TCEA3: variants seen among roughly 807,000 people sequenced by gnomAD.
TCEA3 encodes the protein transcription elongation factor A protein 3.
In TCEA3, 36 loss-of-function variants were observed where a neutral mutation model predicts 44.0. That is an observed-to-expected ratio of 0.82 (90% CI 0.63 to 1.08). TCEA3 has a LOEUF of 1.08. TCEA3 is among the 50% of genes least tolerant of loss of function. The pLI is 0.00. For missense variants in TCEA3, 392 were observed against 441.2 expected, an observed-to-expected ratio of 0.89 and a Z score of 1.00; for synonymous variants, 162 against 159.7, an observed-to-expected ratio of 1.01 and a Z score of -0.11.
At chr1:23,398,027 G>T in intron 5 of TCEA3, 72 bp from the exon 6 acceptor site, 1 of 1,545,290 alleles carries the variant, frequency 6.5e-7, no homozygotes, top group Non-Finnish European at 8.8e-7. Flanking sequence ...CATTCTAGAT[G>T]TCTTGATGGA....
rs1639136554 is a variant in TCEA3 at position 23,393,895 on chromosome 1, G to A, written c.803C>T (p.Ala268Val). 1 of 1,613,512 alleles carries A rather than the reference G, an allele frequency of 6.2e-7. No individual in the cohort carries two copies. The highest frequency in any genetic ancestry group is 8.5e-7 in the Non-Finnish European group (1 of 1,179,900). ...LSGAISAGLI[A>V]KMTAEEMASD... ...TGCTCTCACCTCTGCCGTCATCTTG[G>A]CTATAAGCCCTGCGGAGATGGCCCC... The change falls in exon 8 of 11, where the codon GCC becomes GTC. Residue 268 changes from alanine to valine, a missense_variant. Physicochemically the swap from Ala to Val is moderately conservative, Grantham distance 64 (BLOSUM62 0). Transcript: ENST00000450454.
At chr1:23,387,099 C>T (rs1181520426) in intron 9 of TCEA3, among the ~76,000 whole-genome samples, 174 bp downstream of exon 9, 3 of 152,122 alleles carry the variant, frequency 2.0e-5, no homozygotes, top group Admixed American at 6.5e-5. Flanking sequence ...GTGATCCACT[C>T]GCCTTGGCCT....
intron 5 of TCEA3, among the ~76,000 whole-genome samples, chr1:23,405,966 C>T (rs1639532742): frequency 6.6e-6 from 1 of 151,812 alleles, no homozygotes; most frequent in East Asian, 1.9e-4. Context: ...TCAGGAGTAT[C>T]CCCCTCCTTC....
At chr1:23,412,037 A>G (rs968488198) in intron 4 of TCEA3, 2 of 152,210 alleles carry the variant, frequency 1.3e-5, no homozygotes, top group Admixed American at 1.3e-4. Flanking sequence ...GAGCCGGTGC[A>G]TACCTTAAAT....
Position 23,390,137 on chromosome 1 carries a change from A to G in TCEA3, c.820-2718T>C, listed in dbSNP as rs1286887823. On this transcript the variant is annotated intron_variant, in intron 8 of 10. Coordinates refer to ENST00000450454, the MANE Select transcript of TCEA3 (RefSeq NM_003196.3). ...AGTACTTTAACCAGTCTTGAAAGAT[A>G]GGAGTTCCTGGGGTGGGTGGTGGCA... Among the ~76,000 whole-genome samples the G allele has an allele frequency of 3.9e-5, 6 of 152,302 alleles. No homozygotes were observed. In the East Asian group the frequency reaches 1.2e-3, roughly 29 times the overall value.
intron 4 of TCEA3, 42 bp from the exon 5 acceptor site, chr1:23,408,768 G>T (rs1202113332): frequency 1.3e-6 from 2 of 1,539,760 alleles, no homozygotes; most frequent in South Asian, 2.4e-5. Context: ...TTGTAGACTA[G>T]CATCAGTACT....
chr1:23,383,952 C>T, intron 10 of TCEA3: 1 of 1,045,682 alleles, frequency 9.6e-7, no homozygotes, highest in South Asian at 4.3e-5. Context: ...GTTTCCCATC[C>T]TTGGCTGTGG....
At chr1:23,391,519 C>T (rs1639027593) in intron 8 of TCEA3, among the ~76,000 whole-genome samples, 1 of 152,070 alleles carries the variant, frequency 6.6e-6, no homozygotes, top group African/African-American at 2.4e-5. Flanking sequence ...GAGAAAGACC[C>T]CTCCACCATG....
At position 23,418,008 on chromosome 1, in the gene TCEA3, G is replaced by A; in HGVS notation, c.134C>T (p.Thr45Ile). 1.9e-6 allele frequency: 3 copies of A among 1,614,012 alleles called. No individual in the cohort carries two copies. Among genetic ancestry groups the A allele is most frequent in the South Asian group, 1.1e-5 (1 of 91,082 alleles). ...ATTAACAGCAACTCCAATCCTGGTT[G>A]TCTGCAAAGTGAGAGGGTTAAGGCA... ...SCQMSIQLLQ[T>I]TRIGVAVNGV... is the part of the protein sequence containing the mutation. Residue 45 changes from threonine (T) to isoleucine (I), a missense_variant and splice_region_variant, in exon 3 of 11, where the codon ACA (threonine) becomes ATA (isoleucine). Physicochemically the swap from Thr to Ile is moderately conservative, Grantham distance 89 (BLOSUM62 -1). Coordinates refer to ENST00000450454, the MANE Select transcript of TCEA3 (RefSeq NM_003196.3).
intron 3 of TCEA3, 140 bp from the exon 4 acceptor site, chr1:23,417,530 A>C: frequency 7.5e-7 from 1 of 1,330,914 alleles, no homozygotes; most frequent in East Asian, 2.5e-5. Context: ...ACACATTTAC[A>C]CACAAATGCA....
chr1:23,401,792 C>T (rs1639403064), intron 5 of TCEA3, among the ~76,000 whole-genome samples: 2 of 152,146 alleles, frequency 1.3e-5, no homozygotes, highest in Admixed American at 6.5e-5. Context: ...GGACTGGTAC[C>T]AGTCTGTGGC....
chr1:23,391,481 G>A (rs1298786021), intron 8 of TCEA3, among the ~76,000 whole-genome samples: 1 of 151,996 alleles, frequency 6.6e-6, no homozygotes, highest in African/African-American at 2.4e-5. Context: ...TCTGGTGCAG[G>A]GGATTAGTGC....
intron 5 of TCEA3, among the ~76,000 whole-genome samples, chr1:23,402,120 C>T (rs1276558816): frequency 1.3e-5 from 2 of 152,134 alleles, no homozygotes; most frequent in Non-Finnish European, 2.9e-5. Context: ...GTGGGAGGAT[C>T]ACTTTGGTCA....
At chr1:23,414,279 A>T (rs1639824311) in intron 4 of TCEA3, among the ~76,000 whole-genome samples, 1 of 152,032 alleles carries the variant, frequency 6.6e-6, no homozygotes, top group Non-Finnish European at 1.5e-5. Flanking sequence ...TTTGGTAGAG[A>T]TGGGGTTTCA....
At position 23,418,181 on chromosome 1, in the gene TCEA3, C is replaced by T. The variant is rs1009490109; in HGVS notation, c.133-172G>A. 11 of 633,582 alleles carry T rather than the reference C, an allele frequency of 1.7e-5. No individual in the cohort carries two copies. The African/African-American group carries it at 1.8e-4, about 11-fold the overall frequency. The allele number at this position is 633,582 out of a possible 1,614,324, so 39.2% of individuals were successfully genotyped here. A position where few individuals can be genotyped will look rare whatever the true frequency, so the allele number is the denominator to read the frequency against. On this transcript the variant is annotated intron_variant, in intron 2 of 10. Coordinates refer to ENST00000450454, the MANE Select transcript of TCEA3 (RefSeq NM_003196.3). ...AGAACCCCACTACTGTAACTAAGGC[C>T]CTGCTCTGCACGAGGCCGAGGGCCC...
At chr1:23,386,089 C>T (rs1459723983) in intron 9 of TCEA3, among the ~76,000 whole-genome samples, 1 of 152,190 alleles carries the variant, frequency 6.6e-6, no homozygotes, top group Admixed American at 6.5e-5. Flanking sequence ...GACCAAGCCT[C>T]GTAGACACAT....
intron 5 of TCEA3, among the ~76,000 whole-genome samples, chr1:23,402,873 G>A (rs1245998869): frequency 1.3e-5 from 2 of 152,204 alleles, no homozygotes; most frequent in Non-Finnish European, 2.9e-5. Flanking sequence ...AATACATGAT[G>A]AATTGAGGAA....
In TCEA3 at chr1:23,389,170, C is replaced by T. The variant is rs146994582; in HGVS notation, c.820-1751G>A. Among the ~76,000 whole-genome samples the T allele has an allele frequency of 1.3e-3, 193 of 152,198 alleles. 1 individual carries two copies. The highest frequency in any genetic ancestry group is 4.0e-3 in the African/African-American group (165 of 41,532). ...TTTAATTTGAGGGGATTTTCCAGAG[C>T]ATAAAGCATTTGCCCATTCAAAATT... On this transcript the variant is annotated intron_variant, in intron 8 of 10. Transcript: ENST00000450454.
At chr1:23,407,193 A>G (rs1046896530) in intron 5 of TCEA3, among the ~76,000 whole-genome samples, 1 of 152,116 alleles carries the variant, frequency 6.6e-6, no homozygotes, top group African/African-American at 2.4e-5. Context: ...CATTCCTCAC[A>G]TCCAATCTGT....
Sources: gnomAD v4.1 joint callset for allele counts (sites outside exome capture counted in the v4.1 genomes callset) on GRCh38, gnomAD v4.1.1 for gene constraint, MANE v1.5 for transcripts, NCBI Gene and HGNC (gene_info 2026-07-23, HGNC 2026-07-21) for gene names.